The following CELF2 variants were observed in gnomAD, a reference collection of about 807,000 sequenced individuals.
CELF2 encodes the protein CUGBP Elav-like family member 2, also known as CUG triplet repeat RNA-binding protein 2.
Under a neutral mutation model 62.6 loss-of-function variants are expected in CELF2, and 8 were observed. The observed-to-expected ratio is 0.13, with a 90% CI of 0.07 to 0.23. CELF2 has a LOEUF of 0.23. Ranked by LOEUF, CELF2 falls within the 10% of genes least tolerant of loss-of-function variation. CELF2 has a pLI of 1.00. For missense variants in CELF2, 333 were observed against 671.0 expected (o/e 0.50, Z 5.56); for synonymous variants, 258 against 250.0 (o/e 1.03, Z -0.30).
At position 11,311,558 on chromosome 10, in the gene CELF2, G is replaced by A. The variant is rs1591284334; in HGVS notation, c.977-2581G>A. On this transcript the variant is annotated intron_variant, in intron 9 of 12. Coordinates refer to ENST00000633077, the MANE Select transcript of CELF2 (RefSeq NM_001326342.2). This position sits in a 1 kb window ranked among gnomAD's most constrained non-coding sequence, Gnocchi z 4.7. ...ATATTAGCATTATTAGCATACAACA[G>A]AAAGGAAATACAGCTAATATGTTTA... Among the ~76,000 whole-genome samples the A allele has an allele frequency of 6.6e-6, 1 of 152,068 alleles. No individual in the cohort carries two copies. Among genetic ancestry groups the A allele is most frequent in the Non-Finnish European group, 1.5e-5 (1 of 68,012 alleles).
the CELF2 span, among the ~76,000 whole-genome samples, chr10:10,735,920 C>T: frequency 2.0e-5 from 3 of 152,112 alleles, no homozygotes; most frequent in Non-Finnish European, 4.4e-5. Flanking sequence ...TCTTCTGCAC[C>T]TAAAATTCAG....
At chr10:10,965,739 T>C (rs1295263212) in intron 2 of CELF2, among the ~76,000 whole-genome samples, 1 of 152,162 alleles carries the variant, frequency 6.6e-6, no homozygotes, top group Non-Finnish European at 1.5e-5. Flanking sequence ...ACCCACAAGT[T>C]AAAAGACCTA....
intron 1 of CELF2, among the ~76,000 whole-genome samples, chr10:10,804,087 C>T (rs889277971): frequency 1.3e-5 from 2 of 152,168 alleles, no homozygotes; most frequent in Non-Finnish European, 2.9e-5. Context: ...TTCTAAAATC[C>T]TCTCTGAGAA....
At chr10:10,668,825 G>C in the CELF2 span, among the ~76,000 whole-genome samples, 1 of 152,098 alleles carries the variant, frequency 6.6e-6, no homozygotes, top group African/African-American at 2.4e-5. Flanking sequence ...AGGCAGGGTG[G>C]TGTGCGCCTG....
At chr10:10,804,901 G>A (rs573727650) in intron 1 of CELF2, among the ~76,000 whole-genome samples, 1 of 152,176 alleles carries the variant, frequency 6.6e-6, no homozygotes, top group Non-Finnish European at 1.5e-5. Context: ...TTGGAGGAAT[G>A]TCATGTGTGG....
chr10:11,314,073 T>C lies in CELF2; in HGVS notation c.977-66T>C. The C allele has an allele frequency of 1.3e-5, 20 of 1,495,670 alleles. No individual in the cohort carries two copies. Among genetic ancestry groups the C allele is most frequent in the Non-Finnish European group, 1.7e-5 (19 of 1,089,568 alleles). 92.6% of individuals were successfully genotyped at this position (1,495,670 alleles called of 1,614,324 possible). ...GTCCACTGAGATGATGACAGAAGGA[T>C]TTCCAGTCTCGGCTCTCACTCACCT... is the stretch of plus-strand genomic sequence containing the variant. On this transcript the variant is annotated intron_variant, in intron 9 of 12. Coordinates refer to ENST00000633077, the MANE Select transcript of CELF2 (RefSeq NM_001326342.2). The surrounding 1 kb of genome is among the most constrained non-coding windows in gnomAD (Gnocchi z 5.3).
chr10:10,525,812 C>A, the CELF2 span, among the ~76,000 whole-genome samples: 2 of 152,184 alleles, frequency 1.3e-5, no homozygotes, highest in African/African-American at 4.8e-5. Flanking sequence ...CTTCCACATA[C>A]TGATTGCATT....
intron 11 of CELF2, among the ~76,000 whole-genome samples, chr10:11,322,148 C>G (rs1021475090): frequency 2.0e-5 from 3 of 152,198 alleles, no homozygotes; most frequent in Non-Finnish European, 2.9e-5. Context: ...GTGAAACGCT[C>G]TCTGTCCTGT....
rs1021970870 is a variant in CELF2 at position 11,159,114 on chromosome 10, C to G, written c.75-6372C>G. ...GATTCACTAGCTGATGTGTGGCCAT[C>G]TCAGAGATGGTTTGGGGCCTCATTC... On this transcript the variant is annotated intron_variant, in intron 1 of 12. Coordinates refer to ENST00000633077, the MANE Select transcript of CELF2 (RefSeq NM_001326342.2). The surrounding 1 kb of genome is among the most constrained non-coding windows in gnomAD (Gnocchi z 5.0). Among the ~76,000 whole-genome samples the G allele has an allele frequency of 1.3e-5, 2 of 152,198 alleles. No homozygotes were observed. Among genetic ancestry groups the G allele is most frequent in the Admixed American group, 1.3e-4 (2 of 15,280 alleles).
the CELF2 span, among the ~76,000 whole-genome samples, chr10:10,527,411 C>A: frequency 1.4e-5 from 2 of 146,916 alleles, no homozygotes; most frequent in East Asian, 4.0e-4. Flanking sequence ...CATGCCACTG[C>A]TTTCCAGCCT....
chr10:11,194,543 A>G (rs1457528404), intron 2 of CELF2, among the ~76,000 whole-genome samples: 3 of 152,204 alleles, frequency 2.0e-5, no homozygotes, highest in East Asian at 3.8e-4. Context: ...TTCAGGGTCC[A>G]CACATTGACC....
chr10:10,795,239 CTTT>C (rs10551602), upstream of CELF2, among the ~76,000 whole-genome samples: 67 of 134,732 alleles, frequency 5.0e-4, no homozygotes, highest in African/African-American at 1.7e-3. Context: ...ATGGATTCAA[CTTT>C]TTTTTTTTTT....
rs1183106012 is a variant in CELF2 at position 11,207,584 on chromosome 10, G to T, written c.272-9841G>T. 6.6e-6 allele frequency among the ~76,000 whole-genome samples: 1 copy of T among 152,238 alleles called. No individual in the cohort carries two copies. The highest frequency in any genetic ancestry group is 1.5e-5 in the Non-Finnish European group (1 of 68,038). On this transcript the variant is annotated intron_variant, in intron 2 of 12. Transcript: ENST00000633077. The surrounding 1 kb of genome is among the most constrained non-coding windows in gnomAD (Gnocchi z 4.1). ...GAGCATCGCACGACTGCCTCAGGCGGCCAGAGGGCGGTGCGGGTCCCACGC... is the reference window on the plus strand; with the variant it reads ...GAGCATCGCACGACTGCCTCAGGCGTCCAGAGGGCGGTGCGGGTCCCACGC...
chr10:10,770,263 C>T, the CELF2 span, among the ~76,000 whole-genome samples: 204 of 152,030 alleles, frequency 1.3e-3, no homozygotes, highest in African/African-American at 4.7e-3. Flanking sequence ...ACCTGGGAGG[C>T]GGAGGTTGCA....
intron 3 of CELF2, among the ~76,000 whole-genome samples, chr10:11,234,028 A>G (rs1050387152): frequency 9.2e-5 from 14 of 152,224 alleles, no homozygotes; most frequent in African/African-American, 3.1e-4. Context: ...TCCACGCTCT[A>G]TACTGTGCCC....
chr10:10,809,468 T>C (rs2055612046), intron 1 of CELF2, among the ~76,000 whole-genome samples: 1 of 152,246 alleles, frequency 6.6e-6, no homozygotes, highest in Non-Finnish European at 1.5e-5. Flanking sequence ...TTTCATCTTA[T>C]ACTTTCCATC....
chr10:11,102,600 C>CA (rs2052021940), intron 1 of CELF2, among the ~76,000 whole-genome samples: 2 of 152,226 alleles, frequency 1.3e-5, no homozygotes, highest in Non-Finnish European at 2.9e-5. Context: ...CTACCAAGTT[C>CA]AGCCATGCTG....
intron 1 of CELF2, among the ~76,000 whole-genome samples, chr10:11,021,253 G>A (rs2058271971): frequency 1.3e-5 from 2 of 152,192 alleles, no homozygotes. Flanking sequence ...ACACTGAGAA[G>A]AGTCTACCAA....
the CELF2 span, among the ~76,000 whole-genome samples, chr10:10,747,352 C>T: frequency 7.2e-5 from 11 of 152,280 alleles, no homozygotes; most frequent in East Asian, 1.9e-3. Context: ...ATGGCCTTTG[C>T]TTTCTTGGAG....
Sources: allele counts gnomAD v4.1 joint callset (sites outside exome capture counted in the v4.1 genomes callset), GRCh38; gene constraint gnomAD v4.1.1; non-coding constraint Gnocchi (gnomAD v3.1); transcripts MANE v1.5; gene names NCBI Gene and HGNC (gene_info 2026-07-23, HGNC 2026-07-21).